SKOR1: variants seen among roughly 807,000 people sequenced by gnomAD.
SKOR1 encodes the protein LBX1 corepressor 1.
A neutral mutation model predicts 72.4 loss-of-function variants in SKOR1; 38 were observed. The observed-to-expected ratio is 0.52, with a 90% CI of 0.40 to 0.69. The LOEUF is 0.69. Among genes scored for constraint, SKOR1 ranks in the 30% least tolerant of loss-of-function variants. The probability of loss-of-function intolerance (pLI) is 0.00; values close to 1 mark genes in which losing one functional copy is unlikely to be tolerated. For missense variants in SKOR1, 1,320 were observed against 1,343.2 expected, an observed-to-expected ratio of 0.98 and a Z score of 0.27; for synonymous variants, 642 against 599.4, an observed-to-expected ratio of 1.07 and a Z score of -1.04.
chr15:67,833,654 G>T lies in SKOR1; in HGVS notation c.2804-88G>T. ...TGAGATTCCCTGACCCCAAAGGGTT[G>T]GTAAGGCCGGGGAGGGGAAAGGGTG... On this transcript the variant is annotated intron_variant, in intron 8 of 8. Transcript: ENST00000380035. This position sits in a 1 kb window ranked among gnomAD's most constrained non-coding sequence, Gnocchi z 6.0. 1 of 1,359,174 alleles carries T rather than the reference G, an allele frequency of 7.4e-7. No individual in the cohort carries two copies. Among genetic ancestry groups the T allele is most frequent in the Non-Finnish European group, 1.0e-6 (1 of 953,644 alleles). The allele number at this position is 1,359,174 out of a possible 1,614,324, so 84.2% of individuals were successfully genotyped here.
intron 3 of SKOR1, 85 bp downstream of exon 3, chr15:67,829,354 C>A: frequency 8.5e-7 from 1 of 1,169,926 alleles, no homozygotes; most frequent in South Asian, 1.5e-5. Flanking sequence ...CGAAGGAAGA[C>A]AAGGAGAGAG....
Position 67,828,155 on chromosome 15 carries a change from C to A in SKOR1, c.2316+11C>A. 1 of 1,422,762 alleles carries A rather than the reference C, an allele frequency of 7.0e-7. No individual in the cohort carries two copies. The highest frequency in any genetic ancestry group is 1.5e-5 in the South Asian group (1 of 66,408). The allele number at this position is 1,422,762 out of a possible 1,614,324, so 88.1% of individuals were successfully genotyped here. On this transcript the variant is annotated intron_variant, in intron 2 of 8. Transcript: ENST00000380035. ...CCCGCGCCGGCCAAGGTGAGCCCCG[C>A]GCCCGCCCCGCCAGTGGCGCCTTCC...
At position 67,832,743 on chromosome 15, in the gene SKOR1, C is replaced by A; in HGVS notation, c.2737+62C>A. On this transcript the variant is annotated intron_variant, in intron 7 of 8. Coordinates refer to ENST00000380035, the MANE Select transcript of SKOR1 (RefSeq NM_001365915.1). The surrounding 1 kb of genome is among the most constrained non-coding windows in gnomAD (Gnocchi z 4.5). The stretch of plus-strand genomic sequence containing the variant: ...TAACTGCCTCTCGTCTGGCAGGAGC[C>A]GCAATGTTGGCTCAGTCATTTGGAT... The A allele has an allele frequency of 1.5e-6, 2 of 1,334,204 alleles. No individual in the cohort carries two copies. Among genetic ancestry groups the A allele is most frequent in the Non-Finnish European group, 2.2e-6 (2 of 929,732 alleles). 82.6% of individuals were successfully genotyped at this position (1,334,204 alleles called of 1,614,324 possible). A position where few individuals can be genotyped will look rare whatever the true frequency, so the allele number is the denominator to read the frequency against.
chr15:67,832,714 G>GC lies in SKOR1; in HGVS notation c.2737+35dup, dbSNP rs776192177. 1.0e-5 allele frequency: 16 copies of GC among 1,567,034 alleles called. No individual in the cohort carries two copies. ...GGGAGTCAGGTGAGCTCGTGCACGG[G>GC]CCGTAACTGCCTCTCGTCTGGCAGG... On this transcript the variant is annotated intron_variant, in intron 7 of 8. Transcript: ENST00000380035. This position sits in a 1 kb window ranked among gnomAD's most constrained non-coding sequence, Gnocchi z 4.5.
intron 3 of SKOR1, among the ~76,000 whole-genome samples, chr15:67,829,838 G>C (rs1226248685): frequency 6.6e-6 from 1 of 152,268 alleles, no homozygotes. Context: ...CGCAGCCTGG[G>C]CCGCGTTCTC....
rs1233399287 is a variant in SKOR1 at position 67,827,508 on chromosome 15, G to A, written c.1680G>A (p.Gly560=). The change falls in exon 2 of 9, where the codon GGG becomes GGA. Residue 560 remains glycine, a synonymous_variant. Coordinates refer to ENST00000380035, the MANE Select transcript of SKOR1 (RefSeq NM_001365915.1). ...GCTGCCCGAGCGCTCTGTCCCGCGG[G>A]CCCCTGGACGAAGACGGCACGGACG... ...EERCPSALSR[G]PLDEDGTDEA... 3.3e-6 allele frequency: 5 copies of A among 1,522,710 alleles called. No individual in the cohort carries two copies. Among genetic ancestry groups the A allele is most frequent in the East Asian group, 2.5e-5 (1 of 39,558 alleles). 94.3% of individuals were successfully genotyped at this position (1,522,710 alleles called of 1,614,324 possible).
intron 2 of SKOR1, among the ~76,000 whole-genome samples, 193 bp downstream of exon 2, chr15:67,828,337 C>T (rs1597017242): frequency 6.6e-6 from 1 of 152,078 alleles, no homozygotes; most frequent in East Asian, 1.9e-4. Flanking sequence ...GTGAGGGTTT[C>T]GAAGGGAAGG....
Position 67,826,147 on chromosome 15 carries a change from C to T in SKOR1, c.319C>T (p.Leu107Phe). 2 of 1,608,166 alleles carry T rather than the reference C, an allele frequency of 1.2e-6. No homozygotes were observed. The highest frequency in any genetic ancestry group is 1.7e-6 in the Non-Finnish European group (2 of 1,175,616). Reference protein sequence around the residue: ...RLCLAQISNTLLKNYSYNEIH... With the variant: ...RLCLAQISNTFLKNYSYNEIH... ...ATGCCTGGCGCAGATCTCCAACACC[C>T]TCCTCAAGAACTACAGCTATAATGA... Residue 107 changes from leucine (L) to phenylalanine (F), a missense_variant, in exon 2 of 9, where the codon CTC (leucine) becomes TTC (phenylalanine). Coordinates refer to ENST00000380035, the MANE Select transcript of SKOR1 (RefSeq NM_001365915.1).
At position 67,834,066 on chromosome 15, in the gene SKOR1, A is replaced by C. The variant is rs1408864949; in HGVS notation, c.*230A>C. On this transcript the variant is annotated 3_prime_UTR_variant, in exon 9 of 9. Coordinates refer to ENST00000380035, the MANE Select transcript of SKOR1 (RefSeq NM_001365915.1). This position sits in a 1 kb window ranked among gnomAD's most constrained non-coding sequence, Gnocchi z 5.8. ...AAGTGTAAATACCGCCTCGCGCCTCAAATCCCCCTACCCCGTGTGAACTCT... is the reference window on the plus strand; with the variant it reads ...AAGTGTAAATACCGCCTCGCGCCTCCAATCCCCCTACCCCGTGTGAACTCT... The C allele has an allele frequency of 1.7e-6, 1 of 587,598 alleles. No homozygotes were observed. The highest frequency in any genetic ancestry group is 1.9e-5 in the African/African-American group (1 of 53,642). The allele number at this position is 587,598 out of a possible 1,614,324, so 36.4% of individuals were successfully genotyped here.
rs2091018816 is a variant in SKOR1, at chr15:67,832,774, T to C, written c.2737+93T>C. ...GTTGGCTCAGTCATTTGGATTTAAA[T>C]TGAAGGTAATTTAACAATTATTTTT... On this transcript the variant is annotated intron_variant, in intron 7 of 8. Coordinates refer to ENST00000380035, the MANE Select transcript of SKOR1 (RefSeq NM_001365915.1). The surrounding 1 kb of genome is among the most constrained non-coding windows in gnomAD (Gnocchi z 4.5). The C allele has an allele frequency of 3.0e-6, 3 of 1,010,422 alleles. No individual in the cohort carries two copies. Among genetic ancestry groups the C allele is most frequent in the South Asian group, 2.7e-5 (2 of 72,794 alleles). The allele number at this position is 1,010,422 out of a possible 1,614,324, so 62.6% of individuals were successfully genotyped here.
At chr15:67,831,248 G>A (rs561593117) in intron 5 of SKOR1, among the ~76,000 whole-genome samples, 3 of 152,218 alleles carry the variant, frequency 2.0e-5, no homozygotes, top group Non-Finnish European at 4.4e-5. Context: ...TGGGTCCGCT[G>A]AATTCAATGG....
Position 67,827,921 on chromosome 15 carries a change from C to A in SKOR1, c.2093C>A (p.Pro698His), listed in dbSNP as rs2090977395. ...GACGGTGAACAGCCCACTGGACCCC[C>A]TTCCGCCACCTCCTCTGGCGCGGAC... ...GPDGEQPTGP[P>H]SATSSGADGP... The change falls in exon 2 of 9, where the codon CCT (proline) becomes CAT (histidine). Residue 698 changes from proline to histidine, a missense_variant. This residue lies in a region of SKOR1 where 1,099 missense variants were observed against 1,025.5 expected (regional missense o/e 1.07). Coordinates refer to ENST00000380035, the MANE Select transcript of SKOR1 (RefSeq NM_001365915.1). The A allele has an allele frequency of 1.9e-6, 3 of 1,589,232 alleles. No individual in the cohort carries two copies. The highest frequency in any genetic ancestry group is 2.3e-5 in the South Asian group (2 of 87,894).
At chr15:67,828,520 G>C (rs1199331907) in intron 2 of SKOR1, among the ~76,000 whole-genome samples, 1 of 152,226 alleles carries the variant, frequency 6.6e-6, no homozygotes, top group Non-Finnish European at 1.5e-5. Context: ...GCCCGGGTGG[G>C]CATCAGAGCC....
chr15:67,830,197 A>G lies in SKOR1; in HGVS notation c.2414A>G (p.Asp805Gly), dbSNP rs1296736394. ...YVCTPEAHEP[D>G]KEDNHSPADD... Reference sequence around the variant, plus strand: ...TCGGTTTGTTGCCTTCAAGAGCCAGATAAGGAAGACAATCACTCGCCCGCC... The same window carrying G: ...TCGGTTTGTTGCCTTCAAGAGCCAGGTAAGGAAGACAATCACTCGCCCGCC... The change falls in exon 4 of 9, where the codon GAT becomes GGT. Residue 805 changes from aspartate to glycine, a missense_variant. Asp to Gly is a moderately conservative substitution (Grantham distance 94). Around this residue, in one of 3 missense-constraint regions of SKOR1, gnomAD observed 1,099 missense variants for 1,025.5 expected, o/e 1.07. Coordinates refer to ENST00000380035, the MANE Select transcript of SKOR1 (RefSeq NM_001365915.1). 1 of 1,614,126 alleles carries G rather than the reference A, an allele frequency of 6.2e-7. No individual in the cohort carries two copies. Among genetic ancestry groups the G allele is most frequent in the Non-Finnish European group, 8.5e-7 (1 of 1,180,016 alleles).
At position 67,828,020 on chromosome 15, in the gene SKOR1, C is replaced by G; in HGVS notation, c.2192C>G (p.Pro731Arg). 1.9e-6 allele frequency: 3 copies of G among 1,539,758 alleles called. No individual in the cohort carries two copies. Among genetic ancestry groups the G allele is most frequent in the Admixed American group, 2.0e-5 (1 of 50,408 alleles). ...RRLGPPPAGR[P>R]AFGDLAAEDL... ...CTCGGGCCACCCCCAGCTGGCCGGCCCGCATTTGGGGACTTGGCAGCCGAA... is the reference window on the plus strand; with the variant it reads ...CTCGGGCCACCCCCAGCTGGCCGGCGCGCATTTGGGGACTTGGCAGCCGAA... Residue 731 changes from proline (P) to arginine (R), a missense_variant, in exon 2 of 9, where the codon CCC becomes CGC. By Grantham distance (103) the Pro-to-Arg change is moderately radical. Transcript: ENST00000380035.
rs754022375 is a variant in SKOR1 at position 67,827,350 on chromosome 15, A to G, written c.1522A>G (p.Ser508Gly). The change falls in exon 2 of 9, where the codon AGC (serine) becomes GGC (glycine). Residue 508 changes from serine (S) to glycine (G), a missense_variant. Around this residue, in one of 3 missense-constraint regions of SKOR1, gnomAD observed 1,099 missense variants for 1,025.5 expected, o/e 1.07. Coordinates refer to ENST00000380035, the MANE Select transcript of SKOR1 (RefSeq NM_001365915.1). ...GGTACCGTCCTACCCCGCTGCTCAG[A>G]GCCAAGCCAAGGCCGTGGCGGCAGC... is the stretch of plus-strand genomic sequence containing the variant. ...LPVPSYPAAQ[S>G]QAKAVAAAVA... 30 of 1,579,852 alleles carry G rather than the reference A, an allele frequency of 1.9e-5. 1 individual carries two copies. The Middle Eastern group carries it at 3.2e-3, about 167-fold the overall frequency.
In SKOR1 at chr15:67,826,712, G is replaced by T; in HGVS notation, c.884G>T (p.Gly295Val). ...GGAGGCGGTGCCAATGGCGGGTCGG[G>T]TGGGCAGGGGAAGGGTGGTGCTGGC... ...GGGGGANGGS[G>V]GQGKGGAGGG... Residue 295 changes from glycine (G) to valine (V), a missense_variant, in exon 2 of 9, where the codon GGT (glycine) becomes GTT (valine). Physicochemically the swap from Gly to Val is moderately radical, Grantham distance 109. Coordinates refer to ENST00000380035, the MANE Select transcript of SKOR1 (RefSeq NM_001365915.1). The T allele has an allele frequency of 6.5e-7, 1 of 1,548,274 alleles. No individual in the cohort carries two copies.
Position 67,826,306 on chromosome 15 carries a change from G to A in SKOR1, c.478G>A (p.Glu160Lys). Residue 160 changes from glutamate (E) to lysine (K), a missense_variant, in exon 2 of 9, where the codon GAA becomes AAA. Physicochemically the swap from Glu to Lys is moderately conservative, Grantham distance 56. Coordinates refer to ENST00000380035, the MANE Select transcript of SKOR1 (RefSeq NM_001365915.1). ...RCGMITKREAERLCKSFLGEH... is the reference protein window; with the variant it reads ...RCGMITKREAKRLCKSFLGEH... ...CGGCATGATCACTAAGCGAGAGGCC[G>A]AACGCCTGTGCAAGTCGTTCCTGGG... is the stretch of plus-strand genomic sequence containing the variant. 1 of 1,613,462 alleles carries A rather than the reference G, an allele frequency of 6.2e-7. No homozygotes were observed. Among genetic ancestry groups the A allele is most frequent in the Non-Finnish European group, 8.5e-7 (1 of 1,180,040 alleles).
chr15:67,827,006 T>C lies in SKOR1; in HGVS notation c.1178T>C (p.Phe393Ser), dbSNP rs746287025. ...CTGCAAAAGCTGCCCCCACCACTTT[T>C]CCCCCATCCTTACGGCTTCCCTACG... ...GLLQKLPPPL[F>S]PHPYGFPTAF... is the part of the protein sequence containing the mutation. The change falls in exon 2 of 9, where the codon TTC becomes TCC. Residue 393 changes from phenylalanine to serine, a missense_variant. This residue lies in a region of SKOR1 where 1,099 missense variants were observed against 1,025.5 expected (regional missense o/e 1.07). Transcript: ENST00000380035. 9 of 1,593,920 alleles carry C rather than the reference T, an allele frequency of 5.6e-6. No individual in the cohort carries two copies. Among genetic ancestry groups the C allele is most frequent in the South Asian group, 2.2e-5 (2 of 90,668 alleles).
Sources: gnomAD v4.1 joint callset for allele counts (sites outside exome capture counted in the v4.1 genomes callset) on GRCh38, gnomAD v4.1.1 for gene constraint, gnomAD v4.1.1 regional missense constraint, Gnocchi (gnomAD v3.1) non-coding constraint, MANE v1.5 for transcripts, NCBI Gene and HGNC (gene_info 2026-07-23, HGNC 2026-07-21) for gene names.